Variants in CELF2 observed in about 807,000 individuals in gnomAD.
CELF2 encodes the protein CUG triplet repeat RNA-binding protein 2.
A neutral mutation model predicts 62.6 loss-of-function variants in CELF2; 8 were observed. That is an observed-to-expected ratio of 0.13 (90% CI 0.07 to 0.23). CELF2 has a LOEUF of 0.23. Ranked by LOEUF, CELF2 falls within the 10% of genes least tolerant of loss-of-function variation. The probability of loss-of-function intolerance (pLI) is 1.00; values close to 1 mark genes in which losing one functional copy is unlikely to be tolerated. For synonymous variants in CELF2, 258 were observed against 250.0 expected, an observed-to-expected ratio of 1.03 and a Z score of -0.30; for missense variants, 333 against 671.0, an observed-to-expected ratio of 0.50 and a Z score of 5.56.
chr10:10,628,418 C>A, the CELF2 span, among the ~76,000 whole-genome samples: 1 of 152,200 alleles, frequency 6.6e-6, no homozygotes, highest in East Asian at 1.9e-4. Context: ...CTAGATCCTT[C>A]CTGTGTATGT....
intron 1 of CELF2, among the ~76,000 whole-genome samples, chr10:11,152,089 G>GA (rs1382753760): frequency 6.6e-6 from 1 of 152,228 alleles, no homozygotes; most frequent in Non-Finnish European, 1.5e-5. Flanking sequence ...CCTTGGGTTT[G>GA]ACTCCTGTGA....
chr10:10,568,337 G>A, the CELF2 span, among the ~76,000 whole-genome samples: 1,202 of 152,194 alleles, frequency 7.9e-3, 4 homozygotes, highest in Non-Finnish European at 9.0e-3. Context: ...GAAGAAGAAA[G>A]GTCCCAGATC....
At chr10:10,767,485 T>C in the CELF2 span, among the ~76,000 whole-genome samples, 1 of 152,036 alleles carries the variant, frequency 6.6e-6, no homozygotes, top group Non-Finnish European at 1.5e-5. Context: ...AAATAAAATA[T>C]ATATGTTACT....
chr10:11,282,915 C>G (rs545679642), intron 8 of CELF2, among the ~76,000 whole-genome samples: 1 of 152,314 alleles, frequency 6.6e-6, no homozygotes, highest in South Asian at 2.1e-4. Context: ...CCTGCCTCAC[C>G]TCTGGTGTAC....
At chr10:11,051,433 A>T (rs2063899774) in intron 1 of CELF2, among the ~76,000 whole-genome samples, 1 of 152,172 alleles carries the variant, frequency 6.6e-6, no homozygotes, top group Non-Finnish European at 1.5e-5. Flanking sequence ...TATTCCTTTG[A>T]GTTTGCCTCT....
Position 11,219,692 on chromosome 10 carries a change from A to G in CELF2, c.354+2185A>G, listed in dbSNP as rs183151914. ...CCAGTACACATTACCCTTAACAGCT[A>G]TAGGAAAAACATGAAAGTGTTTTCC... On this transcript the variant is annotated intron_variant, in intron 3 of 12. Coordinates refer to ENST00000633077, the MANE Select transcript of CELF2 (RefSeq NM_001326342.2). 2.2e-4 allele frequency among the ~76,000 whole-genome samples: 34 copies of G among 152,340 alleles called. No individual in the cohort carries two copies. In the East Asian group the frequency reaches 3.7e-3, roughly 16 times the overall value.
chr10:10,972,554 T>A lies in CELF2; in HGVS notation c.89+52555T>A, dbSNP rs2050863619. Among the ~76,000 whole-genome samples the A allele has an allele frequency of 6.6e-6, 1 of 152,146 alleles. No individual in the cohort carries two copies. The highest frequency in any genetic ancestry group is 2.4e-5 in the African/African-American group (1 of 41,428). ...ACCCACTGCTCTTCTTTCTATATAT[T>A]TACTCCCTGGCTGAGCTCATCTCTC... On this transcript the variant is annotated intron_variant, in intron 2 of 13. Transcript: ENST00000636488. The surrounding 1 kb of genome is among the most constrained non-coding windows in gnomAD (Gnocchi z 4.4).
rs2143011893 is a variant in CELF2, at chr10:11,110,760, A to AC, written c.75-54725dup. On this transcript the variant is annotated intron_variant, in intron 1 of 12. Coordinates refer to ENST00000633077, the MANE Select transcript of CELF2 (RefSeq NM_001326342.2). This position sits in a 1 kb window ranked among gnomAD's most constrained non-coding sequence, Gnocchi z 4.0. ...TGGAATTCCAGAGTACAGTGTGCCC[A>AC]CGGGAGGCCTCATCCGGGGGCAGTT... is the stretch of plus-strand genomic sequence containing the variant. Among the ~76,000 whole-genome samples the AC allele has an allele frequency of 6.6e-6, 1 of 152,240 alleles. No individual in the cohort carries two copies. Among genetic ancestry groups the AC allele is most frequent in the Admixed American group, 6.5e-5 (1 of 15,302 alleles).
intron 1 of CELF2, among the ~76,000 whole-genome samples, chr10:11,153,370 T>G (rs759867007): frequency 5.3e-5 from 8 of 152,330 alleles, no homozygotes; most frequent in Non-Finnish European, 1.0e-4. Context: ...GACATTTATC[T>G]TATAATTTTC....
At chr10:11,259,610 C>T (rs1017444597) in intron 5 of CELF2, among the ~76,000 whole-genome samples, 2 of 152,128 alleles carry the variant, frequency 1.3e-5, no homozygotes, top group African/African-American at 2.4e-5. Context: ...GGTTTTTCAC[C>T]TGTGCCATCG....
the CELF2 span, among the ~76,000 whole-genome samples, chr10:10,660,442 G>C: frequency 6.6e-6 from 1 of 152,186 alleles, no homozygotes; most frequent in Non-Finnish European, 1.5e-5. Flanking sequence ...GCTTACTGAT[G>C]CTGTGGGTGT....
the CELF2 span, among the ~76,000 whole-genome samples, chr10:10,468,962 C>T: frequency 1.3e-5 from 2 of 151,816 alleles, no homozygotes; most frequent in Non-Finnish European, 2.9e-5. Context: ...CAAACTAGAT[C>T]CTCTTCAGAC....
chr10:10,882,120 C>T (rs1244839896), intron 1 of CELF2, among the ~76,000 whole-genome samples: 9 of 152,328 alleles, frequency 5.9e-5, no homozygotes, highest in Non-Finnish European at 7.3e-5. Flanking sequence ...CCATTTCCCA[C>T]AGAATGGTTA....
intron 1 of CELF2, among the ~76,000 whole-genome samples, chr10:11,052,992 G>A (rs1316560985): frequency 2.6e-5 from 4 of 151,974 alleles, no homozygotes; most frequent in Non-Finnish European, 5.9e-5. Context: ...ATTACAGCCT[G>A]AGTTTTTTTT....
chr10:10,663,164 C>T, the CELF2 span, among the ~76,000 whole-genome samples: 2 of 152,186 alleles, frequency 1.3e-5, no homozygotes, highest in African/African-American at 2.4e-5. Context: ...TCATTTTAAG[C>T]GTGCAGCAGC....
intron 1 of CELF2, among the ~76,000 whole-genome samples, chr10:11,058,365 A>G (rs2065825968): frequency 6.6e-6 from 1 of 151,688 alleles, no homozygotes; most frequent in Admixed American, 6.6e-5. Flanking sequence ...TGGCTTTAAG[A>G]GTTTTATCTT....
At chr10:10,871,025 A>G (rs889235707) in intron 1 of CELF2, among the ~76,000 whole-genome samples, 1 of 151,792 alleles carries the variant, frequency 6.6e-6, no homozygotes, top group Non-Finnish European at 1.5e-5. Flanking sequence ...GTTGCGCCAT[A>G]AATAATTGAA....
At chr10:10,923,747 A>G (rs1357174815) in intron 2 of CELF2, 1 of 152,246 alleles carries the variant, frequency 6.6e-6, no homozygotes, top group African/African-American at 2.4e-5. Flanking sequence ...GATTAAAACA[A>G]ATATTTAAAC....
chr10:10,506,670 A>ATTTTTTTTTTTTTTTTTTTT, the CELF2 span, among the ~76,000 whole-genome samples: 14 of 64,572 alleles, frequency 2.2e-4, 6 homozygotes, highest in Admixed American at 5.6e-4. Context: ...CCTCCTGTGA[A>ATTTTTTTTTTTTTTTTTTTT]TTTTTTTTTT....
Sources: gnomAD v4.1 joint callset for allele counts (sites outside exome capture counted in the v4.1 genomes callset) on GRCh38, gnomAD v4.1.1 for gene constraint, Gnocchi (gnomAD v3.1) non-coding constraint, MANE v1.5 for transcripts, NCBI Gene and HGNC (gene_info 2026-07-23, HGNC 2026-07-21) for gene names.